The following TRIM2 variants were observed in gnomAD, a reference collection of about 807,000 sequenced individuals.
TRIM2 encodes the protein tripartite motif containing 2.
In TRIM2, 20 loss-of-function variants were observed where a neutral mutation model predicts 75.2. The observed-to-expected ratio is 0.27, with a 90% CI of 0.19 to 0.39. TRIM2 has a LOEUF of 0.39. Among genes scored for constraint, TRIM2 ranks in the 10% least tolerant of loss-of-function variants. TRIM2 has a pLI of 1.00. For missense variants in TRIM2, 660 were observed against 990.8 expected, an observed-to-expected ratio of 0.67 and a Z score of 4.48; for synonymous variants, 373 against 388.3, an observed-to-expected ratio of 0.96 and a Z score of 0.46.
At chr4:153,304,856 G>T (rs750599496) in intron 6 of TRIM2, among the ~76,000 whole-genome samples, 25 of 152,332 alleles carry the variant, frequency 1.6e-4, no homozygotes, top group East Asian at 3.9e-4. Context: ...TGGTGAGAAG[G>T]CTTTGAATGG....
At chr4:153,212,081 CCT>C (rs1471667324) in intron 1 of TRIM2, among the ~76,000 whole-genome samples, 1 of 152,122 alleles carries the variant, frequency 6.6e-6, no homozygotes, top group Non-Finnish European at 1.5e-5. Context: ...GTCAGAATGG[CCT>C]CTCTGCAGGC....
At position 153,270,357 on chromosome 4, in the gene TRIM2, C is replaced by G; in HGVS notation, c.53C>G (p.Thr18Arg). ...CAGCAGCAGCGTGCAGGGTCAAAGA[C>G]AGCCGGCCCCCCATGTCAGTGGTCT... ...GTQQQRAGSK[T>R]AGPPCQWSRM... The change falls in exon 2 of 12, where the codon ACA (threonine) becomes AGA (arginine). Residue 18 changes from threonine to arginine, a missense_variant. Around this residue, in one of 2 missense-constraint regions of TRIM2, gnomAD observed 620 missense variants for 891.0 expected, o/e 0.70. Coordinates refer to ENST00000338700, the MANE Select transcript of TRIM2 (RefSeq NM_015271.5). 6.2e-7 allele frequency: 1 copy of G among 1,613,236 alleles called. No homozygotes were observed. The highest frequency in any genetic ancestry group is 8.5e-7 in the Non-Finnish European group (1 of 1,179,578).
intron 4 of TRIM2, among the ~76,000 whole-genome samples, chr4:153,293,908 T>A (rs1174119874): frequency 1.3e-5 from 2 of 151,594 alleles, no homozygotes; most frequent in African/African-American, 4.9e-5. Flanking sequence ...TGGCAGGGGG[T>A]TGGGGAGAGG....
intron 3 of TRIM2, chr4:153,276,389 C>A: frequency 1.9e-6 from 1 of 532,116 alleles, no homozygotes. Context: ...TAGCTATTTG[C>A]AAGCTGACCT....
chr4:153,321,619 T>A (rs565573218), intron 8 of TRIM2, among the ~76,000 whole-genome samples: 33 of 152,356 alleles, frequency 2.2e-4, no homozygotes, highest in Middle Eastern at 3.4e-3. Flanking sequence ...CCAATAGATA[T>A]TCATTGAATA....
rs1393376036 is a variant in TRIM2, at chr4:153,314,743, T to C, written c.1511-742T>C. On this transcript the variant is annotated intron_variant, in intron 6 of 11. Coordinates refer to ENST00000338700, the MANE Select transcript of TRIM2 (RefSeq NM_015271.5). ...TATCCAGCCTCTGAGATATTGAATCTTTGAAAATAATCTATAAGTAAATCC... is the reference window on the plus strand; with the variant it reads ...TATCCAGCCTCTGAGATATTGAATCCTTGAAAATAATCTATAAGTAAATCC... Among the ~76,000 whole-genome samples, 4 of 152,150 alleles carry C rather than the reference T, an allele frequency of 2.6e-5. No homozygotes were observed. In the East Asian group the frequency reaches 7.7e-4, roughly 29 times the overall value.
chr4:153,324,217 T>A (rs1769629954), intron 10 of TRIM2, 69 bp downstream of exon 10: 2 of 1,358,116 alleles, frequency 1.5e-6, no homozygotes, highest in Admixed American at 1.9e-5. Context: ...TGCGAGAAAA[T>A]AATGCAATAC....
chr4:153,299,261 T>C (rs1763376507), intron 6 of TRIM2, among the ~76,000 whole-genome samples: 1 of 152,188 alleles, frequency 6.6e-6, no homozygotes, highest in Non-Finnish European at 1.5e-5. Flanking sequence ...TTTCTGTGCC[T>C]GGCATAATGT....
intron 1 of TRIM2, among the ~76,000 whole-genome samples, chr4:153,182,447 C>G (rs533038761): frequency 2.0e-5 from 3 of 152,292 alleles, no homozygotes; most frequent in African/African-American, 7.2e-5. Context: ...CCCCACTTCT[C>G]AGCTCTGTGA....
intron 3 of TRIM2, among the ~76,000 whole-genome samples, chr4:153,291,389 C>G (rs1761816456): frequency 6.6e-6 from 1 of 152,118 alleles, no homozygotes; most frequent in Non-Finnish European, 1.5e-5. Flanking sequence ...TGAATACCTA[C>G]TAAATGTATG....
intron 1 of TRIM2, among the ~76,000 whole-genome samples, chr4:153,241,572 A>T (rs1746614461): frequency 6.6e-6 from 1 of 152,204 alleles, no homozygotes; most frequent in Non-Finnish European, 1.5e-5. Context: ...GGCCTCAGAG[A>T]GGAGGCAGCA....
At chr4:153,201,695 TAAAGAAAGAAAA>T (rs1372600247), upstream of TRIM2, among the ~76,000 whole-genome samples, 11 of 152,064 alleles carry the variant, frequency 7.2e-5, no homozygotes, top group South Asian at 1.2e-3. Flanking sequence ...ACTTTGTCTC[TAAAGAAAGAAAA>T]AAAGAAAGAA....
chr4:153,177,653 A>G lies in TRIM2; in HGVS notation c.-49+24383A>G, dbSNP rs116322827. ...AGAGCAAGACTCCTTCTCCAAAAAA[A>G]AAAAAATCAGGAGTCCTAGAATATG... On this transcript the variant is annotated intron_variant, in intron 1 of 11. Transcript: ENST00000437508. Among the ~76,000 whole-genome samples the G allele has an allele frequency of 1.3e-3, 193 of 152,152 alleles. 2 individuals are homozygous for G. Among genetic ancestry groups the G allele is most frequent in the African/African-American group, 4.2e-3 (174 of 41,494 alleles).
At chr4:153,229,297 A>T (rs1017587175) in intron 1 of TRIM2, among the ~76,000 whole-genome samples, 7 of 152,266 alleles carry the variant, frequency 4.6e-5, no homozygotes, top group African/African-American at 1.7e-4. Flanking sequence ...AGAGTCTCAC[A>T]CTGTCACTCA....
chr4:153,198,925 T>TATC (rs943726728), intron 1 of TRIM2, among the ~76,000 whole-genome samples: 2 of 152,218 alleles, frequency 1.3e-5, no homozygotes, highest in African/African-American at 4.8e-5. Flanking sequence ...TTTAATTAGA[T>TATC]GATGAGCATT....
chr4:153,271,091 A>G (rs941835465), intron 2 of TRIM2, among the ~76,000 whole-genome samples: 2 of 152,216 alleles, frequency 1.3e-5, no homozygotes, highest in African/African-American at 4.8e-5. Context: ...TATCTTCTTC[A>G]TAGAGTATTT....
intron 6 of TRIM2, chr4:153,309,728 A>G (rs1765839251): frequency 1.3e-5 from 2 of 151,886 alleles, no homozygotes; most frequent in African/African-American, 4.8e-5. Context: ...GGTTCAAACA[A>G]TTCTCCTGCC....
chr4:153,193,166 C>G (rs1733391149), intron 1 of TRIM2, among the ~76,000 whole-genome samples: 1 of 134,614 alleles, frequency 7.4e-6, no homozygotes, highest in Non-Finnish European at 1.5e-5. Context: ...GAGTCTCACT[C>G]TGTCGCCCAG....
At chr4:153,222,046 AAGGG>A (rs1740625673) in intron 1 of TRIM2, among the ~76,000 whole-genome samples, 1 of 35,170 alleles carries the variant, frequency 2.8e-5, no homozygotes, top group South Asian at 1.8e-3. Context: ...AAGAGCGAGG[AAGGG>A]AGGGAGGAAG....
Sources: allele counts gnomAD v4.1 joint callset (sites outside exome capture counted in the v4.1 genomes callset), GRCh38; gene constraint gnomAD v4.1.1; regional missense constraint gnomAD v4.1.1; transcripts MANE v1.5; gene names NCBI Gene and HGNC (gene_info 2026-07-23, HGNC 2026-07-21).